UMAD1: variants seen among roughly 807,000 people sequenced by gnomAD.
UMAD1 encodes UBAP1-MVB12-associated (UMA)-domain containing protein 1.
UMAD1 carries 8 observed loss-of-function variants against 6.1 expected under a neutral mutation model. The ratio of observed to expected loss-of-function variants is 1.30; its 90% CI spans 0.76 to 2.35. The LOEUF is 2.35. Among genes scored for constraint, UMAD1 ranks in the 30% most tolerant of loss-of-function variants. The pLI is 0.00. For missense variants in UMAD1, 130 were observed against 78.4 expected (o/e 1.66, Z -2.49); for synonymous variants, 56 against 31.4 (o/e 1.78, Z -2.61).
chr7:7,753,458 C>T (rs1184616192), intron 2 of UMAD1, among the ~76,000 whole-genome samples: 2 of 152,170 alleles, frequency 1.3e-5, no homozygotes, highest in East Asian at 3.9e-4. Flanking sequence ...CATTCTTCTA[C>T]TCTCTATTTC....
chr7:7,756,787 T>A (rs1476105983), intron 2 of UMAD1, among the ~76,000 whole-genome samples: 9 of 152,224 alleles, frequency 5.9e-5, no homozygotes, highest in Non-Finnish European at 1.2e-4. Context: ...TGCTAGACAC[T>A]TATACTGTTT....
intron 2 of UMAD1, among the ~76,000 whole-genome samples, chr7:7,781,410 T>C (rs1183645149): frequency 6.6e-6 from 1 of 152,074 alleles, no homozygotes; most frequent in African/African-American, 2.4e-5. Context: ...ACTGCTGCAT[T>C]CTGGAAAAAT....
intron 2 of UMAD1, chr7:7,736,311 C>A (rs1393769777): frequency 6.5e-6 from 1 of 152,766 alleles, no homozygotes; most frequent in African/African-American, 2.4e-5. Flanking sequence ...TGAAATTGCA[C>A]GTTTCTTCCT....
At chr7:7,661,584 G>C (rs1051694237) in intron 1 of UMAD1, among the ~76,000 whole-genome samples, 2 of 152,172 alleles carry the variant, frequency 1.3e-5, no homozygotes, top group Non-Finnish European at 2.9e-5. Flanking sequence ...GTCTGCTGAA[G>C]TTTGCTGGAG....
intron 2 of UMAD1, among the ~76,000 whole-genome samples, chr7:7,796,270 A>C: frequency 3.7e-5 from 1 of 27,370 alleles, no homozygotes; most frequent in East Asian, 1.0e-3. Context: ...TTTTTTTTTG[A>C]GATGGAGTTT....
chr7:7,834,785 GT>G (rs1357042382), intron 3 of UMAD1, among the ~76,000 whole-genome samples: 1 of 152,160 alleles, frequency 6.6e-6, no homozygotes, highest in African/African-American at 2.4e-5. Flanking sequence ...GAACGTATGG[GT>G]GGGGGTGTGT....
intron 3 of UMAD1, among the ~76,000 whole-genome samples, chr7:7,803,485 G>C (rs1782842702): frequency 6.6e-6 from 1 of 152,140 alleles, no homozygotes; most frequent in African/African-American, 2.4e-5. Flanking sequence ...AATAAAAGTT[G>C]ATATGTTTGG....
intron 3 of UMAD1, among the ~76,000 whole-genome samples, chr7:7,813,562 G>A (rs73054045): frequency 0.21 from 32,483 of 151,600 alleles, 3,523 homozygotes; most frequent in Middle Eastern, 0.25. Context: ...TATGCTACAC[G>A]TAAGAGCACA....
chr7:7,663,500 G>A (rs1785528585), intron 1 of UMAD1, among the ~76,000 whole-genome samples: 1 of 152,078 alleles, frequency 6.6e-6, no homozygotes, highest in African/African-American at 2.4e-5. Context: ...AAAAAACCTA[G>A]GTGGGACGGA....
At chr7:7,716,580 G>A (rs1160440364) in intron 2 of UMAD1, among the ~76,000 whole-genome samples, 1 of 152,204 alleles carries the variant, frequency 6.6e-6, no homozygotes, top group African/African-American at 2.4e-5. Context: ...TTGTCACCAC[G>A]TGCACAGTAA....
chr7:7,827,177 G>GTGTA (rs34214373), intron 3 of UMAD1, among the ~76,000 whole-genome samples: 1,520 of 147,104 alleles, frequency 0.01, 30 homozygotes, highest in African/African-American at 0.035. Context: ...GTGTGTGTGT[G>GTGTA]TATCACATGA....
chr7:7,686,926 A>G (rs1032754812), intron 2 of UMAD1, among the ~76,000 whole-genome samples: 8 of 152,176 alleles, frequency 5.3e-5, no homozygotes, highest in East Asian at 1.9e-4. Context: ...GAATGTGGAT[A>G]TGATGATTAT....
At chr7:7,725,128 C>T (rs1781115595) in intron 2 of UMAD1, among the ~76,000 whole-genome samples, 1 of 152,166 alleles carries the variant, frequency 6.6e-6, no homozygotes, top group Admixed American at 6.6e-5. Context: ...TTGAGATATT[C>T]CTTCTAAGGT....
intron 3 of UMAD1, among the ~76,000 whole-genome samples, chr7:7,806,311 C>T (rs1460551144): frequency 1.3e-5 from 2 of 151,688 alleles, no homozygotes; most frequent in African/African-American, 2.4e-5. Flanking sequence ...AAACCTTGAA[C>T]CCTGTTCTAA....
intron 1 of UMAD1, among the ~76,000 whole-genome samples, chr7:7,641,930 G>A (rs1583683671): frequency 6.6e-6 from 1 of 152,190 alleles, no homozygotes; most frequent in East Asian, 1.9e-4. Context: ...GTTTGTCTTA[G>A]TTTTACTCAC....
rs60211625 is a variant in UMAD1, at chr7:7,827,147, ATG to A, written c.156+25434_156+25435del. On this transcript the variant is annotated intron_variant, in intron 3 of 3. Transcript: ENST00000682710. ...GATATATATATATATATATATATAT[ATG>A]TGTGTGTGTGTGTGTGTGTGTGTGT... Among the ~76,000 whole-genome samples the A allele has an allele frequency of 6.0e-3, 801 of 134,174 alleles. 7 individuals are homozygous for A. Among genetic ancestry groups the A allele is most frequent in the African/African-American group, 0.021 (741 of 34,466 alleles). The allele number at this position is 134,174 out of a possible 152,430, so 88.0% of individuals were successfully genotyped here.
rs1339922597 is a variant in UMAD1 at position 7,807,521 on chromosome 7, G to A, written c.156+5778G>A. ...GTGTCTGTGATATTTTTCATTACACGTCATAGCCCAAGTATATTTCAAAAC... is the reference window on the plus strand; with the variant it reads ...GTGTCTGTGATATTTTTCATTACACATCATAGCCCAAGTATATTTCAAAAC... On this transcript the variant is annotated intron_variant, in intron 3 of 3. Coordinates refer to ENST00000682710, the MANE Select transcript of UMAD1 (RefSeq NM_001302348.2). Among the ~76,000 whole-genome samples, 10 of 151,966 alleles carry A rather than the reference G, an allele frequency of 6.6e-5. No individual in the cohort carries two copies. The South Asian group carries it at 8.3e-4, about 13-fold the overall frequency.
intron 3 of UMAD1, among the ~76,000 whole-genome samples, chr7:7,813,351 T>C (rs1231718311): frequency 6.6e-6 from 1 of 152,008 alleles, no homozygotes; most frequent in African/African-American, 2.4e-5. Context: ...ACTACAGGCA[T>C]GCGACACCAC....
intron 2 of UMAD1, among the ~76,000 whole-genome samples, chr7:7,766,067 A>G (rs1781977780): frequency 6.6e-6 from 1 of 152,188 alleles, no homozygotes; most frequent in South Asian, 2.1e-4. Flanking sequence ...TTCTGTTAGA[A>G]TCCAGATATG....
Sources: allele counts gnomAD v4.1 joint callset (sites outside exome capture counted in the v4.1 genomes callset), GRCh38; gene constraint gnomAD v4.1.1; transcripts MANE v1.5; gene names NCBI Gene and HGNC (gene_info 2026-07-23, HGNC 2026-07-21).